Variants in NCAN observed in about 807,000 individuals in gnomAD.
NCAN encodes the protein neurocan, also known as neurocan core protein.
In NCAN, 47 loss-of-function variants were observed where a neutral mutation model predicts 121.8. That is an observed-to-expected ratio of 0.39 (90% CI 0.31 to 0.49). The LOEUF (loss-of-function observed/expected upper bound fraction) is 0.49, where lower values mean the gene tolerates loss of function less well. NCAN is among the 20% of genes least tolerant of loss of function. The pLI is 0.92. For missense variants in NCAN, 1,517 were observed against 1,773.4 expected (o/e 0.86, Z 2.60); for synonymous variants, 633 against 702.0 (o/e 0.90, Z 1.55).
At position 19,224,304 on chromosome 19, in the gene NCAN, AG is replaced by A; in HGVS notation, c.651del. 6.2e-7 allele frequency: 1 copy of A among 1,612,676 alleles called. No individual in the cohort carries two copies. Among genetic ancestry groups the A allele is most frequent in the Non-Finnish European group, 8.5e-7 (1 of 1,178,948 alleles). On this transcript the variant is annotated splice_acceptor_variant, in intron 4 of 14. Coordinates refer to ENST00000252575, the MANE Select transcript of NCAN (RefSeq NM_004386.3). LOFTEE classifies it high-confidence loss of function. ...AGAGGGACCCTCCCCTTGTGTTGTC[AG>A]GTATCCTATCACCCAGTCCCGTCCT...
chr19:19,231,152 A>C (rs2060857889), intron 8 of NCAN, among the ~76,000 whole-genome samples: 1 of 152,020 alleles, frequency 6.6e-6, no homozygotes, highest in Non-Finnish European at 1.5e-5. Flanking sequence ...TATTCAAAGC[A>C]CTTTACTGGA....
At position 19,249,773 on chromosome 19, in the gene NCAN, T is replaced by G. The variant is rs74942769; in HGVS notation, c.3828T>G (p.Arg1276=). The change falls in exon 15 of 15, where the codon CGT becomes CGG. Residue 1276 remains arginine (R), a synonymous_variant. Coordinates refer to ENST00000252575, the MANE Select transcript of NCAN (RefSeq NM_004386.3). ...TCCCTCACTTCCCTGCAGCCAGACGTTCACATCGGATGCGGCGACACCACC... is the reference window on the plus strand; with the variant it reads ...TCCCTCACTTCCCTGCAGCCAGACGGTCACATCGGATGCGGCGACACCACC... ...RPQIVCTKPR[R]SHRMRRHHHH... 4,729 of 1,601,724 alleles carry G rather than the reference T, an allele frequency of 3.0e-3. 142 individuals carry two copies. In the African/African-American group the frequency reaches 0.057, roughly 19 times the overall value.
At chr19:19,244,643 A>T (rs895730465) in intron 12 of NCAN, among the ~76,000 whole-genome samples, 4 of 150,232 alleles carry the variant, frequency 2.7e-5, no homozygotes, top group African/African-American at 9.8e-5. Flanking sequence ...TTTAACTCTC[A>T]CATTGCCTCC....
intron 8 of NCAN, among the ~76,000 whole-genome samples, chr19:19,231,706 C>T (rs2060860668): frequency 6.6e-6 from 1 of 152,062 alleles, no homozygotes; most frequent in Non-Finnish European, 1.5e-5. Flanking sequence ...TGAGGCCGGG[C>T]ATGATGGCTC....
chr19:19,219,419 G>A lies in NCAN; in HGVS notation c.475+103G>A, dbSNP rs529867395. The A allele has an allele frequency of 6.5e-6, 8 of 1,239,172 alleles. No individual in the cohort carries two copies. In the South Asian group the frequency reaches 1.1e-4, roughly 18 times the overall value. 76.8% of individuals were successfully genotyped at this position (1,239,172 alleles called of 1,614,324 possible). On this transcript the variant is annotated intron_variant, in intron 3 of 14. Coordinates refer to ENST00000252575, the MANE Select transcript of NCAN (RefSeq NM_004386.3). ...CTTAGAAATCACTCCCTGAGACCTG[G>A]CCTGGTGTCTCATGCCTGTAATCCC...
intron 1 of NCAN, among the ~76,000 whole-genome samples, chr19:19,213,024 C>T (rs1298397343): frequency 6.6e-6 from 1 of 152,130 alleles, no homozygotes; most frequent in Non-Finnish European, 1.5e-5. Context: ...CCTGTCTGGG[C>T]AGGAGAGACC....
chr19:19,227,217 C>T lies in NCAN; in HGVS notation c.1661-64C>T. 2 of 1,505,670 alleles carry T rather than the reference C, an allele frequency of 1.3e-6. No individual in the cohort carries two copies. Among genetic ancestry groups the T allele is most frequent in the South Asian group, 2.7e-5 (2 of 74,318 alleles). 93.3% of individuals were successfully genotyped at this position (1,505,670 alleles called of 1,614,324 possible). A position where few individuals can be genotyped will look rare whatever the true frequency, so the allele number is the denominator to read the frequency against. On this transcript the variant is annotated intron_variant, in intron 7 of 14. Coordinates refer to ENST00000252575, the MANE Select transcript of NCAN (RefSeq NM_004386.3). This position sits in a 1 kb window ranked among gnomAD's most constrained non-coding sequence, Gnocchi z 4.2. The stretch of plus-strand genomic sequence containing the variant: ...CCCCAGAAGCCCCCTCTCCCTTGGG[C>T]CTGGAGTCCAACCAAAGGGGCTGCT...
At chr19:19,231,864 A>G (rs919050679) in intron 8 of NCAN, among the ~76,000 whole-genome samples, 5 of 151,966 alleles carry the variant, frequency 3.3e-5, no homozygotes, top group Non-Finnish European at 7.4e-5. Context: ...CTGTGGTCCC[A>G]GCTACTCAGG....
rs1391071833 is a variant in NCAN, at chr19:19,249,818, C to G, written c.3873C>G (p.His1291Gln). ...ACCACCACCACCACCAACACCACCA[C>G]CAGCATCACCACCACAAATCCCGCA... ...RRHHHHHQHH[H>Q]QHHHHKSRKE... The change falls in exon 15 of 15, where the codon CAC becomes CAG. Residue 1291 changes from histidine (H) to glutamine (Q), a missense_variant. Transcript: ENST00000252575. The G allele has an allele frequency of 6.2e-7, 1 of 1,613,480 alleles. No individual in the cohort carries two copies. The highest frequency in any genetic ancestry group is 1.7e-5 in the Admixed American group (1 of 59,836).
At position 19,212,037 on chromosome 19, in the gene NCAN, C is replaced by A; in HGVS notation, c.-35C>A. ...AGCGTCCTTTGTGCCCGGCGGCCGC[C>A]CCGGGATGCGTCCGAGCTAGGAGCC... is the stretch of plus-strand genomic sequence containing the variant. On this transcript the variant is annotated 5_prime_UTR_variant, in exon 1 of 15. Coordinates refer to ENST00000252575, the MANE Select transcript of NCAN (RefSeq NM_004386.3). This position sits in a 1 kb window ranked among gnomAD's most constrained non-coding sequence, Gnocchi z 4.5. 1 of 212,988 alleles carries A rather than the reference C, an allele frequency of 4.7e-6. No homozygotes were observed. The highest frequency in any genetic ancestry group is 4.3e-5 in the South Asian group (1 of 23,164). 13.2% of individuals were successfully genotyped at this position (212,988 alleles called of 1,614,324 possible). A position where few individuals can be genotyped will look rare whatever the true frequency, so the allele number is the denominator to read the frequency against.
intron 12 of NCAN, among the ~76,000 whole-genome samples, chr19:19,244,453 C>T (rs186579755): frequency 1.3e-5 from 2 of 151,736 alleles, no homozygotes; most frequent in Non-Finnish European, 1.5e-5. Flanking sequence ...GGACTACAGG[C>T]GCGCACCATC....
rs1320247792 is a variant in NCAN, at chr19:19,249,798, C to A, written c.3853C>A (p.His1285Asn). The change falls in exon 15 of 15, where the codon CAC (histidine) becomes AAC (asparagine). Residue 1285 changes from histidine to asparagine, a missense_variant. Coordinates refer to ENST00000252575, the MANE Select transcript of NCAN (RefSeq NM_004386.3). ...RRSHRMRRHHHHHQHHHQHHH... is the reference protein window; with the variant it reads ...RRSHRMRRHHNHHQHHHQHHH... ...TTCACATCGGATGCGGCGACACCAC[C>A]ACCACCACCAACACCACCACCAGCA... The A allele has an allele frequency of 6.2e-7, 1 of 1,610,856 alleles. No homozygotes were observed. Among genetic ancestry groups the A allele is most frequent in the East Asian group, 2.2e-5 (1 of 44,860 alleles).
chr19:19,231,528 C>T (rs953142805), intron 8 of NCAN, among the ~76,000 whole-genome samples: 1 of 151,852 alleles, frequency 6.6e-6, no homozygotes, highest in Non-Finnish European at 1.5e-5. Flanking sequence ...GGTGTTTCAC[C>T]ATGTTGACCA....
At chr19:19,214,516 C>CATGA (rs1225682571) in intron 1 of NCAN, among the ~76,000 whole-genome samples, 2 of 152,068 alleles carry the variant, frequency 1.3e-5, no homozygotes, top group African/African-American at 4.8e-5. Context: ...TTAGCGTATA[C>CATGA]ATGAGGCTTT....
In NCAN at chr19:19,226,982, G is replaced by C; in HGVS notation, c.1569G>C (p.Pro523=). The stretch of plus-strand genomic sequence containing the variant: ...CTGCAGTGAACCAAATGGAGCCTCC[G>C]TTGGCCATGGCAGTCACAGAGATGT... ...SEAAVNQMEP[P]LAMAVTEMLG... is the part of the protein sequence containing the mutation. The change falls in exon 7 of 15, where the codon CCG becomes CCC. Residue 523 remains proline (P), a synonymous_variant. Coordinates refer to ENST00000252575, the MANE Select transcript of NCAN (RefSeq NM_004386.3). 1 of 1,539,170 alleles carries C rather than the reference G, an allele frequency of 6.5e-7. No individual in the cohort carries two copies. Among genetic ancestry groups the C allele is most frequent in the Non-Finnish European group, 8.7e-7 (1 of 1,143,702 alleles).
chr19:19,246,298 A>C (rs1262053603), intron 13 of NCAN, among the ~76,000 whole-genome samples: 1 of 151,948 alleles, frequency 6.6e-6, no homozygotes, highest in Non-Finnish European at 1.5e-5. Context: ...TCGGCCTCCC[A>C]AAGGGCAGGG....
In NCAN at chr19:19,225,751, AGGAGCCAT is replaced by A. The variant is rs994756255; in HGVS notation, c.1072+483_1072+490del. ...TTGGAAGCTGCAAGCATCAACCCCA[AGGAGCCAT>A]GTCCTCTAAGTAAGCTGCCCCAGTC... is the stretch of plus-strand genomic sequence containing the variant. On this transcript the variant is annotated intron_variant, in intron 6 of 14. Transcript: ENST00000252575. This position sits in a 1 kb window ranked among gnomAD's most constrained non-coding sequence, Gnocchi z 4.0. Among the ~76,000 whole-genome samples the A allele has an allele frequency of 7.2e-5, 11 of 152,182 alleles. No individual in the cohort carries two copies. The highest frequency in any genetic ancestry group is 4.4e-5 in the Non-Finnish European group (3 of 68,014).
At position 19,226,790 on chromosome 19, in the gene NCAN, G is replaced by A. The variant is rs750537475; in HGVS notation, c.1377G>A (p.Gly459=). ...TGGCCCCCAGCCCTAGCGACATGGGGGCAGGCACTGCAGCAAGTTCACACA... is the reference window on the plus strand; with the variant it reads ...TGGCCCCCAGCCCTAGCGACATGGGAGCAGGCACTGCAGCAAGTTCACACA... ...STVAPSPSDM[G]AGTAASSHTE... The change falls in exon 7 of 15, where the codon GGG becomes GGA. Residue 459 remains glycine (G), a synonymous_variant. Transcript: ENST00000252575. 6.2e-7 allele frequency: 1 copy of A among 1,613,404 alleles called. No homozygotes were observed. The highest frequency in any genetic ancestry group is 1.7e-4 in the Middle Eastern group (1 of 6,056).
rs376136933 is a variant in NCAN, at chr19:19,228,397, C to T, written c.2777C>T (p.Pro926Leu). The change falls in exon 8 of 15, where the codon CCG (proline) becomes CTG (leucine). Residue 926 changes from proline (P) to leucine (L), a missense_variant. Physicochemically the swap from Pro to Leu is moderately conservative, Grantham distance 98. Transcript: ENST00000252575. ...CATCAGAGCAGTCCCCTAGGGAAACCGGCTGTTCCTCCTGGGACACCGACT... is the reference window on the plus strand; with the variant it reads ...CATCAGAGCAGTCCCCTAGGGAAACTGGCTGTTCCTCCTGGGACACCGACT... Reference protein sequence around the residue: ...PPHQSSPLGKPAVPPGTPTAA... With the variant: ...PPHQSSPLGKLAVPPGTPTAA... 2.4e-5 allele frequency: 39 copies of T among 1,613,588 alleles called. No homozygotes were observed. The highest frequency in any genetic ancestry group is 4.5e-5 in the East Asian group (2 of 44,904).
Sources: allele counts gnomAD v4.1 joint callset (sites outside exome capture counted in the v4.1 genomes callset), GRCh38; gene constraint gnomAD v4.1.1; non-coding constraint Gnocchi (gnomAD v3.1); transcripts MANE v1.5; gene names NCBI Gene and HGNC (gene_info 2026-07-23, HGNC 2026-07-21).